Variants in GNAQ observed in about 807,000 individuals in gnomAD.
The protein encoded by GNAQ is guanine nucleotide-binding protein G(q) subunit alpha.
In GNAQ, 8 loss-of-function variants were observed where a neutral mutation model predicts 43.9. The observed-to-expected ratio is 0.18, with a 90% CI of 0.11 to 0.33. GNAQ has a LOEUF of 0.33. GNAQ is among the 10% of genes least tolerant of loss of function. The pLI is 1.00. For synonymous variants in GNAQ, 155 were observed against 170.7 expected (o/e 0.91, Z 0.71); for missense variants, 158 against 450.8 (o/e 0.35, Z 5.88).
chr9:77,877,806 C>T (rs145638830), intron 2 of GNAQ, among the ~76,000 whole-genome samples: 1 of 152,226 alleles, frequency 6.6e-6, no homozygotes, highest in Non-Finnish European at 1.5e-5. Flanking sequence ...ATCTGCAATG[C>T]TCATTTCTCT....
chr9:77,931,959 T>C (rs1267313869), intron 1 of GNAQ, among the ~76,000 whole-genome samples: 1 of 149,662 alleles, frequency 6.7e-6, no homozygotes, highest in East Asian at 2.0e-4. Context: ...CAGGGTTGGG[T>C]GGGGGGACAA....
chr9:77,954,984 G>C (rs1158338848), intron 1 of GNAQ, among the ~76,000 whole-genome samples: 1 of 152,100 alleles, frequency 6.6e-6, no homozygotes, highest in African/African-American at 2.4e-5. Context: ...TGTTAAACCA[G>C]GCCTCTCCTG....
intron 1 of GNAQ, among the ~76,000 whole-genome samples, chr9:77,963,536 C>A (rs980454404): frequency 1.3e-5 from 2 of 151,954 alleles, no homozygotes; most frequent in Non-Finnish European, 2.9e-5. Flanking sequence ...CCAGTACGAT[C>A]CTGAAAAAAA....
intron 3 of GNAQ, among the ~76,000 whole-genome samples, chr9:77,810,859 T>C (rs566776847): frequency 1.3e-5 from 2 of 152,350 alleles, no homozygotes; most frequent in East Asian, 1.9e-4. Context: ...AGTGTTAAGA[T>C]AGAAGACATA....
At chr9:77,930,100 G>A (rs1022724540) in intron 1 of GNAQ, among the ~76,000 whole-genome samples, 3 of 152,154 alleles carry the variant, frequency 2.0e-5, no homozygotes, top group Non-Finnish European at 4.4e-5. Flanking sequence ...CCTTAGGAGA[G>A]TATCATAGAA....
At chr9:77,733,693 A>AGC (rs1184568055) in intron 5 of GNAQ, among the ~76,000 whole-genome samples, 3 of 152,318 alleles carry the variant, frequency 2.0e-5, no homozygotes, top group African/African-American at 7.2e-5. Flanking sequence ...GCTGGGCATG[A>AGC]GCATGCTGCA....
intron 1 of GNAQ, among the ~76,000 whole-genome samples, chr9:77,930,569 A>G (rs934236067): frequency 3.3e-5 from 5 of 152,160 alleles, no homozygotes; most frequent in African/African-American, 1.2e-4. Context: ...AGGCTCAAAC[A>G]TATATATTTT....
At chr9:77,800,166 G>T (rs544889156) in intron 3 of GNAQ, among the ~76,000 whole-genome samples, 1 of 151,766 alleles carries the variant, frequency 6.6e-6, no homozygotes, top group African/African-American at 2.4e-5. Flanking sequence ...TCAGTGTGGC[G>T]ATTCCTCAGG....
Position 77,871,199 on chromosome 9 carries a change from G to A in GNAQ, c.321+50962C>T, listed in dbSNP as rs149513533. 7.0e-3 allele frequency among the ~76,000 whole-genome samples: 1,068 copies of A among 152,254 alleles called. 16 individuals are homozygous for A. The highest frequency in any genetic ancestry group is 0.024 in the African/African-American group (998 of 41,540). ...TATTACAATTACACATGATAGCTAA[G>A]GAAACTAAAATCTAGTTGACAATTT... is the stretch of plus-strand genomic sequence containing the variant. On this transcript the variant is annotated intron_variant, in intron 2 of 6. Coordinates refer to ENST00000286548, the MANE Select transcript of GNAQ (RefSeq NM_002072.5).
intron 1 of GNAQ, among the ~76,000 whole-genome samples, chr9:77,926,370 A>C (rs1169182833): frequency 2.0e-5 from 3 of 152,208 alleles, no homozygotes; most frequent in Non-Finnish European, 2.9e-5. Flanking sequence ...CCACATGAAA[A>C]TGAAAACTGT....
At chr9:77,979,246 C>T (rs1169863869) in intron 1 of GNAQ, among the ~76,000 whole-genome samples, 1 of 151,814 alleles carries the variant, frequency 6.6e-6, no homozygotes, top group Non-Finnish European at 1.5e-5. Context: ...ATCCCAGTTA[C>T]TCGGGACGCT....
chr9:77,931,504 T>C (rs537595132), intron 1 of GNAQ, among the ~76,000 whole-genome samples: 4 of 151,406 alleles, frequency 2.6e-5, no homozygotes, highest in Non-Finnish European at 4.4e-5. Context: ...GGCAGGAGGA[T>C]GGCGTGAGCC....
In GNAQ at chr9:77,787,948, C is replaced by T. The variant is rs7033469; in HGVS notation, c.735+6515G>A. ...GGGAGGCTGAGACAGGAGAGTCGCT[C>T]GAACCCGGGAGGCAGAGGCTGCAAG... On this transcript the variant is annotated intron_variant, in intron 5 of 6. Transcript: ENST00000286548. 1.9e-3 allele frequency among the ~76,000 whole-genome samples: 295 copies of T among 152,102 alleles called. 1 individual carries two copies. Among genetic ancestry groups the T allele is most frequent in the African/African-American group, 6.8e-3 (283 of 41,508 alleles).
intron 1 of GNAQ, among the ~76,000 whole-genome samples, chr9:78,003,717 G>T (rs1216027382): frequency 2.0e-5 from 3 of 151,786 alleles, no homozygotes; most frequent in Non-Finnish European, 4.4e-5. Flanking sequence ...TGGGGAGGCT[G>T]AGGCACGAGA....
chr9:77,740,912 G>A lies in GNAQ; in HGVS notation c.736-12245C>T, dbSNP rs567536405. Among the ~76,000 whole-genome samples the A allele has an allele frequency of 4.6e-5, 7 of 152,288 alleles. No individual in the cohort carries two copies. In the East Asian group the frequency reaches 9.6e-4, roughly 21 times the overall value. On this transcript the variant is annotated intron_variant, in intron 5 of 6. Coordinates refer to ENST00000286548, the MANE Select transcript of GNAQ (RefSeq NM_002072.5). ...AATATTCCAGTTTGTTGGCCACACT[G>A]TCTGTCATAACTAGTCAACTCTGCC...
intron 2 of GNAQ, among the ~76,000 whole-genome samples, chr9:77,920,553 T>C (rs902433902): frequency 1.3e-5 from 2 of 152,112 alleles, no homozygotes; most frequent in Non-Finnish European, 1.5e-5. Flanking sequence ...GAAACAAGCA[T>C]GCTAACGATT....
At chr9:77,960,645 A>C (rs1823096234) in intron 1 of GNAQ, among the ~76,000 whole-genome samples, 1 of 152,204 alleles carries the variant, frequency 6.6e-6, no homozygotes, top group Non-Finnish European at 1.5e-5. Context: ...GGATTAGCAA[A>C]GCCCCAAATG....
chr9:78,025,682 C>T (rs1233578127), intron 1 of GNAQ, among the ~76,000 whole-genome samples: 1 of 152,160 alleles, frequency 6.6e-6, no homozygotes, highest in Non-Finnish European at 1.5e-5. Flanking sequence ...TCCTAACCTC[C>T]TTATAAAATG....
At chr9:77,987,066 G>A (rs1219435809) in intron 1 of GNAQ, among the ~76,000 whole-genome samples, 1 of 152,096 alleles carries the variant, frequency 6.6e-6, no homozygotes, top group East Asian at 1.9e-4. Context: ...CTCACTACAT[G>A]CATCTTCAGT....
Sources: allele counts gnomAD v4.1 joint callset (sites outside exome capture counted in the v4.1 genomes callset), GRCh38; gene constraint gnomAD v4.1.1; transcripts MANE v1.5; gene names NCBI Gene and HGNC (gene_info 2026-07-23, HGNC 2026-07-21).